NDUFAF6: variants seen among roughly 807,000 people sequenced by gnomAD.
NDUFAF6 encodes NADH dehydrogenase (ubiquinone) complex I, assembly factor 6.
Under a neutral mutation model 40.8 loss-of-function variants are expected in NDUFAF6, and 45 were observed. The ratio of observed to expected loss-of-function variants is 1.10; its 90% CI spans 0.87 to 1.42. NDUFAF6 has a LOEUF of 1.42. Ranked by LOEUF, NDUFAF6 falls within the 40% of genes most tolerant of loss-of-function variation. The probability of loss-of-function intolerance (pLI) is 0.00; values close to 1 mark genes in which losing one functional copy is unlikely to be tolerated. For synonymous variants in NDUFAF6, 185 were observed against 155.9 expected (o/e 1.19, Z -1.39); for missense variants, 435 against 418.5 (o/e 1.04, Z -0.34).
chr8:95,021,087 G>A (rs1827674999), upstream of NDUFAF6, among the ~76,000 whole-genome samples: 1 of 152,134 alleles, frequency 6.6e-6, no homozygotes, highest in South Asian at 2.1e-4. Context: ...CATTTTTGTT[G>A]GGTTTGTCTT....
intron 9 of NDUFAF6, chr8:95,075,559 C>T: frequency 8.2e-7 from 1 of 1,223,434 alleles, no homozygotes; most frequent in Non-Finnish European, 1.1e-6. Context: ...ATAAGCATCT[C>T]TCGGGGCATG....
chr8:94,901,980 C>T (rs1387811519), intron 1 of NDUFAF6, among the ~76,000 whole-genome samples: 1 of 152,116 alleles, frequency 6.6e-6, no homozygotes, highest in Admixed American at 6.6e-5. Context: ...CAACATTTTG[C>T]TATGCTTACT....
intron 1 of NDUFAF6, among the ~76,000 whole-genome samples, chr8:94,912,372 T>G (rs1444336497): frequency 6.6e-6 from 1 of 152,240 alleles, no homozygotes; most frequent in African/African-American, 2.4e-5. Flanking sequence ...GAAATATGTA[T>G]GTATACAAAA....
intron 2 of NDUFAF6, among the ~76,000 whole-genome samples, chr8:95,008,302 CTGAATA>C (rs1433805511): frequency 2.2e-4 from 34 of 152,200 alleles, no homozygotes; most frequent in Non-Finnish European, 2.9e-5. Context: ...AAGAAAAACT[CTGAATA>C]ATCCCAGCTT....
chr8:95,041,287 G>A (rs1481045356), intron 3 of NDUFAF6, among the ~76,000 whole-genome samples: 1 of 152,092 alleles, frequency 6.6e-6, no homozygotes, highest in Non-Finnish European at 1.5e-5. Context: ...CTTAATTCTG[G>A]TTTTGTTTTG....
At chr8:95,057,002 T>C (rs1313295924) in intron 8 of NDUFAF6, among the ~76,000 whole-genome samples, 1 of 152,192 alleles carries the variant, frequency 6.6e-6, no homozygotes, top group African/African-American at 2.4e-5. Context: ...TATTTTTTGT[T>C]TTTGTTCTCA....
chr8:95,111,336 T>C (rs2132087090), intron 4 of NDUFAF6, among the ~76,000 whole-genome samples: 1 of 152,276 alleles, frequency 6.6e-6, no homozygotes, highest in Middle Eastern at 3.4e-3. Context: ...GGAATACACT[T>C]CACAAACATC....
intron 1 of NDUFAF6, among the ~76,000 whole-genome samples, chr8:95,028,619 C>G (rs1215549882): frequency 4.6e-5 from 7 of 152,156 alleles, no homozygotes; most frequent in Non-Finnish European, 1.0e-4. Flanking sequence ...TCATTTCCCT[C>G]TAAGAAGCTT....
intron 1 of NDUFAF6, among the ~76,000 whole-genome samples, chr8:94,977,616 C>G (rs191660080): frequency 6.6e-6 from 1 of 151,856 alleles, no homozygotes; most frequent in East Asian, 1.9e-4. Context: ...CTCTCTCTCT[C>G]TCTCCTTGTG....
chr8:94,941,065 G>A, intron 1 of NDUFAF6: 8 of 658,280 alleles, frequency 1.2e-5, no homozygotes, highest in East Asian at 2.7e-5. Flanking sequence ...ATTCAACTTA[G>A]GTGAAAAGCA....
At chr8:94,911,256 T>C (rs1269489290) in intron 1 of NDUFAF6, among the ~76,000 whole-genome samples, 2 of 152,206 alleles carry the variant, frequency 1.3e-5, no homozygotes, top group Non-Finnish European at 2.9e-5. Flanking sequence ...ACAGATGGAT[T>C]ATAAGCTAGT....
chr8:95,063,500 G>A (rs1359090182), downstream of NDUFAF6, among the ~76,000 whole-genome samples: 2 of 152,138 alleles, frequency 1.3e-5, no homozygotes, highest in African/African-American at 2.4e-5. Context: ...AGGCGGCTGA[G>A]GTAGGAGAAT....
intron 1 of NDUFAF6, among the ~76,000 whole-genome samples, chr8:94,961,683 A>G (rs1823590323): frequency 6.6e-6 from 1 of 152,186 alleles, no homozygotes; most frequent in African/African-American, 2.4e-5. Flanking sequence ...TCAGCCTCCC[A>G]AAGTGCTGAT....
At chr8:94,992,236 C>T (rs138193094) in intron 2 of NDUFAF6, among the ~76,000 whole-genome samples, 1 of 152,098 alleles carries the variant, frequency 6.6e-6, no homozygotes, top group Non-Finnish European at 1.5e-5. Flanking sequence ...ACCTGTAATC[C>T]CAGCACTTTG....
At chr8:95,009,287 T>G (rs1827133358) in intron 2 of NDUFAF6, among the ~76,000 whole-genome samples, 1 of 152,142 alleles carries the variant, frequency 6.6e-6, no homozygotes, top group Admixed American at 6.6e-5. Flanking sequence ...ACTGCCACTG[T>G]CAGCCAGCAC....
intron 1 of NDUFAF6, among the ~76,000 whole-genome samples, chr8:94,972,851 A>G (rs1824587409): frequency 6.6e-6 from 1 of 152,004 alleles, no homozygotes; most frequent in African/African-American, 2.4e-5. Context: ...GTGAGCCATG[A>G]TTGTGCCACT....
In NDUFAF6 at chr8:94,998,379, T is replaced by TACACACAC. The variant is rs200968954; in HGVS notation, c.-84+17437_-84+17444dup. 8.1e-3 allele frequency among the ~76,000 whole-genome samples: 1,118 copies of TACACACAC among 138,404 alleles called. 6 individuals are homozygous for TACACACAC. The highest frequency in any genetic ancestry group is 0.012 in the Non-Finnish European group (771 of 62,038). 90.8% of individuals were successfully genotyped at this position (138,404 alleles called of 152,430 possible). On this transcript the variant is annotated intron_variant, in intron 2 of 9. Coordinates refer to the NDUFAF6 transcript ENST00000396111. ...TCTAAAGTTATTCTCTGCAATCAAATACACACACACACACACACACACACA... is the reference window on the plus strand; with the variant it reads ...TCTAAAGTTATTCTCTGCAATCAAATACACACACACACACACACACACACACACACACA...
chr8:94,950,928 A>G (rs1451330860), intron 2 of NDUFAF6: 7 of 152,242 alleles, frequency 4.6e-5, no homozygotes. Context: ...TTATGATAGA[A>G]AAATTCAATA....
intron 2 of NDUFAF6, among the ~76,000 whole-genome samples, chr8:94,994,614 G>A (rs1292659270): frequency 6.6e-6 from 1 of 151,894 alleles, no homozygotes; most frequent in Non-Finnish European, 1.5e-5. Flanking sequence ...TGGGATGATT[G>A]CTTGAGGTCA....
Sources: gnomAD v4.1 joint callset for allele counts (sites outside exome capture counted in the v4.1 genomes callset) on GRCh38, gnomAD v4.1.1 for gene constraint, MANE v1.5 for transcripts, NCBI Gene and HGNC (gene_info 2026-07-23, HGNC 2026-07-21) for gene names.